Variants in SYN1 observed in about 807,000 individuals in gnomAD.
SYN1 encodes the protein synapsin I.
A neutral mutation model predicts 44.6 loss-of-function variants in SYN1; 8 were observed. The ratio of observed to expected loss-of-function variants is 0.18; its 90% confidence interval spans 0.11 to 0.32. SYN1 has a LOEUF of 0.32. Ranked by LOEUF, SYN1 falls within the 10% of genes least tolerant of loss-of-function variation. The pLI is 1.00. For missense variants in SYN1, 451 were observed against 639.4 expected (o/e 0.71, Z 3.18); for synonymous variants, 275 against 280.1 (o/e 0.98, Z 0.18).
intron 9 of SYN1, 42 bp from the exon 10 acceptor site, chrX:47,575,316 G>A (rs757280876): frequency 1.7e-5 from 20 of 1,195,525 alleles, no homozygotes; most frequent in South Asian, 3.6e-5. Context: ...GGCAGGCCTC[G>A]CACCTGAGGC....
intron 5 of SYN1, chrX:47,585,073 A>G: frequency 8.4e-7 from 1 of 1,186,901 alleles, no homozygotes; most frequent in Non-Finnish European, 1.1e-6. Context: ...CCTGGTCAAA[A>G]CAGAAACTTC....
chrX:47,584,938 A>C, intron 5 of SYN1: 2 of 1,210,856 alleles, frequency 1.7e-6, no homozygotes, highest in Non-Finnish European at 2.2e-6. Context: ...TCCTGCAGTC[A>C]TCAGGGCCAA....
intron 1 of SYN1, among the ~76,000 whole-genome samples, chrX:47,610,645 T>C (rs1264779224): frequency 3.6e-5 from 4 of 109,640 alleles, no homozygotes; most frequent in Admixed American, 2.0e-4. Context: ...CTGAGGACAA[T>C]GGGCGAAGGA....
At chrX:47,578,614 G>C (rs990988680) in intron 5 of SYN1, among the ~76,000 whole-genome samples, 2 of 111,784 alleles carry the variant, frequency 1.8e-5, no homozygotes, top group Admixed American at 1.9e-4. Flanking sequence ...ATTCAGGCGA[G>C]AGGGATACCT....
chrX:47,581,134 G>C (rs1392679315), intron 5 of SYN1, among the ~76,000 whole-genome samples: 1 of 111,376 alleles, frequency 9.0e-6, no homozygotes, highest in Non-Finnish European at 1.9e-5. Context: ...GCTGCTGGTA[G>C]TTTTTGTTGT....
chrX:47,615,375 A>G (rs2057928349), intron 1 of SYN1, among the ~76,000 whole-genome samples: 1 of 112,034 alleles, frequency 8.9e-6, no homozygotes, highest in Non-Finnish European at 1.9e-5. Flanking sequence ...AAGAACATAT[A>G]CATATAGATG....
chrX:47,600,081 T>C (rs1310338350), intron 5 of SYN1, among the ~76,000 whole-genome samples: 4 of 112,406 alleles, frequency 3.6e-5, no homozygotes, highest in Non-Finnish European at 7.5e-5. Context: ...GCACAAAATA[T>C]ATGAAATAAA....
intron 5 of SYN1, chrX:47,586,091 T>C (rs1285062493): frequency 1.5e-5 from 14 of 944,871 alleles, no homozygotes; most frequent in Non-Finnish European, 1.7e-5. Context: ...CAGAGGGTGT[T>C]ACACTGACCT....
At position 47,574,712 on chromosome X, in the gene SYN1, C is replaced by G. The variant is rs748323076; in HGVS notation, c.1369G>C (p.Ala457Pro). The G allele has an allele frequency of 2.5e-5, 30 of 1,184,396 alleles. No homozygotes were observed. The African/African-American group carries it at 4.7e-4, about 19-fold the overall frequency. The stretch of plus-strand genomic sequence containing the variant: ...CCCTGTGGTGGGGGTCGCTGCTGAG[C>G]CGGGGGCCCTGCGGGCTGCTGGGAG... ...QTSQQPAGPPAQQRPPPQGGP... is the reference protein window; with the variant it reads ...QTSQQPAGPPPQQRPPPQGGP... Residue 457 changes from alanine to proline, a missense_variant, in exon 11 of 13, where the codon GCT (alanine) becomes CCT (proline). Ala to Pro is a conservative substitution (Grantham distance 27). Coordinates refer to ENST00000295987, the MANE Select transcript of SYN1 (RefSeq NM_006950.3).
At position 47,604,054 on chromosome X, in the gene SYN1, T is replaced by C. The variant is rs564528518; in HGVS notation, c.774+924A>G. ...TCCCAGGTAGCTGGGATTACAGGCA[T>C]GCACCACCACGCCGGGCTAATTTTG... On this transcript the variant is annotated intron_variant, in intron 5 of 12. Coordinates refer to ENST00000295987, the MANE Select transcript of SYN1 (RefSeq NM_006950.3). 1.0e-4 allele frequency among the ~76,000 whole-genome samples: 11 copies of C among 105,214 alleles called. No individual in the cohort carries two copies. In the South Asian group the frequency reaches 4.7e-3, roughly 45 times the overall value. The allele number at this position is 105,214 out of a possible 115,157, so 91.4% of individuals were successfully genotyped here.
rs1262243225 is a variant in SYN1, at chrX:47,574,316, G to T, written c.1668C>A (p.Arg556=). Residue 556 remains arginine (R), a synonymous_variant, in exon 12 of 13, where the codon CGC becomes CGA. Transcript: ENST00000295987. ...ARPPASPSPQ[R]QAGPPQATRQ... ...GGGTAGCCTGTGGGGGGCCCGCCTG[G>T]CGCTGGGGAGACGGAGAGGCGGGCG... 9.3e-7 allele frequency: 1 copy of T among 1,076,054 alleles called. No homozygotes were observed. The highest frequency in any genetic ancestry group is 3.7e-5 in the Admixed American group (1 of 27,194). The allele number at this position is 1,076,054 out of a possible 1,213,427, so 88.7% of individuals were successfully genotyped here. A position where few individuals can be genotyped will look rare whatever the true frequency, so the allele number is the denominator to read the frequency against.
At chrX:47,606,882 C>T (rs1473608935) in intron 3 of SYN1, 63 bp downstream of exon 3, 24 of 1,091,821 alleles carry the variant, frequency 2.2e-5, no homozygotes, top group East Asian at 3.0e-5. Flanking sequence ...GAACTTTCCC[C>T]CAGCTCTAAG....
chrX:47,585,727 G>T, intron 5 of SYN1: 1 of 1,194,629 alleles, frequency 8.4e-7, no homozygotes, highest in Non-Finnish European at 1.1e-6. Context: ...TCCCTAAATC[G>T]TGGGCTTGTT....
intron 5 of SYN1, chrX:47,586,419 A>T: frequency 8.9e-7 from 1 of 1,123,213 alleles, no homozygotes; most frequent in South Asian, 2.1e-5. Context: ...GGTGAGAGCA[A>T]GTCTCCCCAG....
At chrX:47,576,970 C>T (rs1270817880) in intron 6 of SYN1, among the ~76,000 whole-genome samples, 1 of 111,554 alleles carries the variant, frequency 9.0e-6, no homozygotes. Context: ...TATAGGCATC[C>T]AGACACAAAA....
chrX:47,593,528 C>G (rs73206133), intron 5 of SYN1, among the ~76,000 whole-genome samples: 10,952 of 111,434 alleles, frequency 0.098, 494 homozygotes, highest in Non-Finnish European at 0.13. Context: ...CCTGGCCTCC[C>G]AACATGCTGT....
chrX:47,580,047 G>T (rs1405554379), intron 5 of SYN1, among the ~76,000 whole-genome samples: 1 of 110,156 alleles, frequency 9.1e-6, no homozygotes, highest in Non-Finnish European at 1.9e-5. Flanking sequence ...CGGGCATACA[G>T]TAAGCCTCGA....
intron 5 of SYN1, chrX:47,586,794 C>T (rs1169432964): frequency 9.6e-7 from 1 of 1,040,473 alleles, no homozygotes; most frequent in African/African-American, 1.8e-5. Flanking sequence ...CCAGCAGACA[C>T]TGTTTCTGTG....
chrX:47,616,916 G>C (rs762096286), intron 1 of SYN1, among the ~76,000 whole-genome samples: 1 of 110,675 alleles, frequency 9.0e-6, no homozygotes, highest in Non-Finnish European at 1.9e-5. Flanking sequence ...CTACAAAAAG[G>C]GGAGAAGAGG....
Sources: gnomAD v4.1 joint callset for allele counts (sites outside exome capture counted in the v4.1 genomes callset) on GRCh38, gnomAD v4.1.1 for gene constraint, MANE v1.5 for transcripts, NCBI Gene and HGNC (gene_info 2026-07-23, HGNC 2026-07-21) for gene names.